Variants in HHLA2 observed in about 807,000 individuals in gnomAD.
HHLA2 encodes the protein HERV-H LTR-associating protein 2.
HHLA2 carries 48 observed loss-of-function variants against 45.9 expected under a neutral mutation model. The ratio of observed to expected loss-of-function variants is 1.05; its 90% confidence interval spans 0.83 to 1.33. The LOEUF (loss-of-function observed/expected upper bound fraction) is 1.33, where lower values mean the gene tolerates loss of function less well. HHLA2 is among the 40% of genes most tolerant of loss of function. HHLA2 has a pLI of 0.00. For missense variants in HHLA2, 462 were observed against 494.3 expected (o/e 0.93, Z 0.62); for synonymous variants, 161 against 173.9 (o/e 0.93, Z 0.59).
chr3:108,334,727 C>A (rs923654048), intron 3 of HHLA2, among the ~76,000 whole-genome samples: 1 of 152,194 alleles, frequency 6.6e-6, no homozygotes, highest in Non-Finnish European at 1.5e-5. Flanking sequence ...ATTCAGGGAA[C>A]TGGCAAATGA....
intron 7 of HHLA2, among the ~76,000 whole-genome samples, chr3:108,360,069 T>C (rs2081961811): frequency 1.3e-5 from 2 of 150,504 alleles, no homozygotes; most frequent in Non-Finnish European, 2.9e-5. Context: ...GTAATTTTTA[T>C]ATTTTTCAGT....
chr3:108,376,605 T>C (rs1309977411), intron 10 of HHLA2, 48 bp downstream of exon 9: 1 of 1,511,268 alleles, frequency 6.6e-7, no homozygotes, highest in African/African-American at 1.4e-5. Flanking sequence ...TAAAAATGCT[T>C]CTTTAAAAGG....
chr3:108,368,068 A>T (rs4855646), intron 8 of HHLA2, among the ~76,000 whole-genome samples: 1 of 152,120 alleles, frequency 6.6e-6, no homozygotes, highest in Non-Finnish European at 1.5e-5. Flanking sequence ...ATTCTTAAAG[A>T]AGAGAATTTT....
At chr3:108,301,318 CT>C (rs1009894014) in intron 1 of HHLA2, among the ~76,000 whole-genome samples, 1 of 152,126 alleles carries the variant, frequency 6.6e-6, no homozygotes. Flanking sequence ...TTTTACTGTA[CT>C]TTTGTCTTCC....
intron 3 of HHLA2, among the ~76,000 whole-genome samples, chr3:108,338,401 G>A (rs1020058377): frequency 6.6e-6 from 1 of 152,048 alleles, no homozygotes; most frequent in Non-Finnish European, 1.5e-5. Context: ...CAGGTTACTG[G>A]GGAAGTTTGT....
rs185622260 is a variant in HHLA2, at chr3:108,325,542, T to C, written c.-104-2728T>C. 534 of 279,062 alleles carry C rather than the reference T, an allele frequency of 1.9e-3. 6 individuals are homozygous for C. Among genetic ancestry groups the C allele is most frequent in the African/African-American group, 0.011 (503 of 44,808 alleles). 17.3% of individuals were successfully genotyped at this position (279,062 alleles called of 1,614,324 possible). A position where few individuals can be genotyped will look rare whatever the true frequency, so the allele number is the denominator to read the frequency against. On this transcript the variant is annotated intron_variant, in intron 2 of 10. Transcript: ENST00000619531. Reference sequence around the variant, plus strand: ...GCTACTATTGCTACTGGAACCATCATAGCCATCTTGGTTTTGTAGTTTGGC... The same window carrying C: ...GCTACTATTGCTACTGGAACCATCACAGCCATCTTGGTTTTGTAGTTTGGC...
intron 8 of HHLA2, among the ~76,000 whole-genome samples, chr3:108,365,932 G>C (rs1483514808): frequency 6.6e-6 from 1 of 152,228 alleles, no homozygotes; most frequent in African/African-American, 2.4e-5. Context: ...TCTGCAAACA[G>C]AGACAATTTG....
intron 2 of HHLA2, among the ~76,000 whole-genome samples, chr3:108,319,214 T>C (rs2081155613): frequency 6.8e-6 from 1 of 146,276 alleles, no homozygotes; most frequent in Admixed American, 6.7e-5. Context: ...GTAAAATACT[T>C]TTTTTTTTTT....
chr3:108,326,746 A>G (rs2081295921), intron 2 of HHLA2: 3 of 152,412 alleles, frequency 2.0e-5, no homozygotes, highest in African/African-American at 7.2e-5. Context: ...CAGTTATTTC[A>G]AAGATCAACC....
chr3:108,371,359 C>A (rs907970705), intron 8 of HHLA2, among the ~76,000 whole-genome samples: 2 of 152,144 alleles, frequency 1.3e-5, no homozygotes, highest in Non-Finnish European at 2.9e-5. Context: ...CGGTACCAGC[C>A]ACTGCAAAAA....
At chr3:108,356,177 A>G (rs1339156910) in intron 6 of HHLA2, among the ~76,000 whole-genome samples, 1 of 151,902 alleles carries the variant, frequency 6.6e-6, no homozygotes, top group African/African-American at 2.4e-5. Flanking sequence ...TTACAGGCAC[A>G]TGCCACCACA....
Position 108,361,344 on chromosome 3 carries a change from TCCTC to T in HHLA2, c.1004-994_1004-991del, listed in dbSNP as rs1231960170. The stretch of plus-strand genomic sequence containing the variant: ...CGCTCCATCCTGCCTTGAAGGTGAA[TCCTC>T]CCTTTGTCCAGCATATCACACCGTG... On this transcript the variant is annotated intron_variant, in intron 7 of 10. Coordinates refer to ENST00000619531, the Ensembl canonical transcript of HHLA2. 2.0e-5 allele frequency among the ~76,000 whole-genome samples: 3 copies of T among 152,270 alleles called. No individual in the cohort carries two copies. In the East Asian group the frequency reaches 5.8e-4, roughly 29 times the overall value.
At chr3:108,346,226 T>G (rs1344091591) in intron 3 of HHLA2, among the ~76,000 whole-genome samples, 2 of 152,184 alleles carry the variant, frequency 1.3e-5, no homozygotes, top group African/African-American at 4.8e-5. Context: ...TTTCAGTACA[T>G]GTACAAATCC....
At chr3:108,296,761 T>G (rs1273383397) in intron 1 of HHLA2, among the ~76,000 whole-genome samples, 162 bp downstream of exon 1, 1 of 152,244 alleles carries the variant, frequency 6.6e-6, no homozygotes, top group Non-Finnish European at 1.5e-5. Flanking sequence ...ATTGTGCATA[T>G]GCACCAAACA....
intron 2 of HHLA2, among the ~76,000 whole-genome samples, chr3:108,312,522 T>G (rs977440524): frequency 2.0e-5 from 3 of 151,902 alleles, no homozygotes; most frequent in Non-Finnish European, 2.9e-5. Flanking sequence ...TTCCAGAGAT[T>G]TACCTTTGCC....
At chr3:108,373,916 T>G (rs1457416457) in intron 8 of HHLA2, among the ~76,000 whole-genome samples, 10 of 150,762 alleles carry the variant, frequency 6.6e-5, no homozygotes, top group Non-Finnish European at 1.3e-4. Context: ...AGGTAATTTA[T>G]AGATTCAATG....
chr3:108,298,903 C>T (rs2080805277), intron 1 of HHLA2, among the ~76,000 whole-genome samples: 1 of 148,250 alleles, frequency 6.7e-6, no homozygotes, highest in Non-Finnish European at 1.5e-5. Flanking sequence ...CAAATGTACA[C>T]TTGCAGCTTC....
chr3:108,321,528 A>T (rs1342522759), intron 2 of HHLA2, among the ~76,000 whole-genome samples: 3 of 152,098 alleles, frequency 2.0e-5, no homozygotes, highest in African/African-American at 7.2e-5. Flanking sequence ...CAAAGTCTGA[A>T]GCCACTATGA....
chr3:108,377,742 G>GTATT (rs2082299206), exon 11 of HHLA2: 1 of 155,134 alleles, frequency 6.4e-6, no homozygotes, highest in Non-Finnish European at 1.4e-5. Flanking sequence ...ATTTGACAAG[G>GTATT]TATTTTAGTC....
Sources: allele counts gnomAD v4.1 joint callset (sites outside exome capture counted in the v4.1 genomes callset), GRCh38; gene constraint gnomAD v4.1.1; transcripts MANE v1.5; gene names NCBI Gene and HGNC (gene_info 2026-07-23, HGNC 2026-07-21).